Variants in ERN2 observed in about 807,000 individuals in gnomAD.
The protein encoded by ERN2 is endoplasmic reticulum to nucleus signaling 2.
ERN2 carries 111 observed loss-of-function variants against 107.9 expected under a neutral mutation model. That is an observed-to-expected ratio of 1.03 (90% CI 0.88 to 1.20). The LOEUF (loss-of-function observed/expected upper bound fraction) is 1.20. Ranked by LOEUF, ERN2 falls within the 50% of genes most tolerant of loss-of-function variation. The pLI is 0.00. For synonymous variants in ERN2, 524 were observed against 501.7 expected (o/e 1.04, Z -0.59); for missense variants, 1,225 against 1,197.9 (o/e 1.02, Z -0.33).
rs779498304 is a variant in ERN2, at chr16:23,702,529, T to C, written c.942A>G (p.Gly314=). 6.2e-7 allele frequency: 1 copy of C among 1,613,896 alleles called. No individual in the cohort carries two copies. Among genetic ancestry groups the C allele is most frequent in the African/African-American group, 1.3e-5 (1 of 74,928 alleles). The part of the protein sequence containing the change: ...VHTGVALVPR[G]LTLAPADGPT... ...GGCCATCTGCGGGGGCCAGGGTCAG[T>C]CCACGAGGCTATGGCAGAAGATGGA... Residue 314 remains glycine, a synonymous_variant, in exon 10 of 22, where the codon GGA becomes GGG. Transcript: ENST00000256797.
intron 1 of ERN2, chr16:23,712,215 G>A (rs981752021): frequency 1.4e-5 from 3 of 207,590 alleles, no homozygotes; most frequent in Non-Finnish European, 3.2e-5. Flanking sequence ...CATGGCAGGA[G>A]GGAGAACGGT....
chr16:23,704,581 C>T (rs1960219737), intron 8 of ERN2, among the ~76,000 whole-genome samples: 1 of 152,128 alleles, frequency 6.6e-6, no homozygotes. Flanking sequence ...TTGTAAATTG[C>T]CGAGTCTTGG....
chr16:23,707,553 A>C (rs77654000), intron 4 of ERN2, among the ~76,000 whole-genome samples: 2 of 111,600 alleles, frequency 1.8e-5, no homozygotes, highest in Non-Finnish European at 3.7e-5. Flanking sequence ...GTCTCTACAG[A>C]AAAAAAAAAA....
At chr16:23,705,244 G>T in intron 7 of ERN2, 97 bp from the exon 8 acceptor site, 1 of 1,345,294 alleles carries the variant, frequency 7.4e-7, no homozygotes, top group Non-Finnish European at 1.0e-6. Flanking sequence ...GGTGTGTGGA[G>T]ATCACATGGA....
Position 23,696,069 on chromosome 16 carries a change from C to A in ERN2, c.1526-91G>T, listed in dbSNP as rs1035831250. On this transcript the variant is annotated intron_variant, in intron 13 of 21. Coordinates refer to ENST00000256797, the MANE Select transcript of ERN2 (RefSeq NM_033266.4). ...CAGACTCACCTTGACATTTTCTGGG[C>A]CTCCACCCTCCCATGCTCAGCCTGG... 5 of 893,462 alleles carry A rather than the reference C, an allele frequency of 5.6e-6. No homozygotes were observed. The Admixed American group carries it at 7.8e-5, about 14-fold the overall frequency. 55.3% of individuals were successfully genotyped at this position (893,462 alleles called of 1,614,324 possible).
chr16:23,695,874 G>T lies in ERN2; in HGVS notation c.1610+20C>A, dbSNP rs755438673. 2.2e-5 allele frequency: 35 copies of T among 1,604,280 alleles called. No individual in the cohort carries two copies. Among genetic ancestry groups the T allele is most frequent in the Non-Finnish European group, 2.9e-5 (34 of 1,171,560 alleles). On this transcript the variant is annotated intron_variant, in intron 14 of 21. Coordinates refer to ENST00000256797, the MANE Select transcript of ERN2 (RefSeq NM_033266.4). ...GCTGTGAGTGCCATGTCCCCAGCTTGGCTCCTGGCTGCCACTCACCGGAAA... is the reference window on the plus strand; with the variant it reads ...GCTGTGAGTGCCATGTCCCCAGCTTTGCTCCTGGCTGCCACTCACCGGAAA...
chr16:23,707,138 GCCA>G, intron 4 of ERN2, 59 bp from the exon 5 acceptor site: 1 of 1,172,310 alleles, frequency 8.5e-7, no homozygotes, highest in Non-Finnish European at 1.3e-6. Flanking sequence ...TGCTCACTGT[GCCA>G]GGTGAGCCCA....
At chr16:23,705,212 C>G in intron 7 of ERN2, 65 bp from the exon 8 acceptor site, 2 of 1,564,936 alleles carry the variant, frequency 1.3e-6, no homozygotes, top group Non-Finnish European at 1.7e-6. Flanking sequence ...AAGGGTGTGC[C>G]CTCTGGGTGA....
rs781351929 is a variant in ERN2 at position 23,702,281 on chromosome 16, G to T, written c.1082-8C>A. On this transcript the variant is annotated splice_region_variant and splice_polypyrimidine_tract_variant and intron_variant, in intron 10 of 21. Coordinates refer to ENST00000256797, the MANE Select transcript of ERN2 (RefSeq NM_033266.4). ...GGGGTAGCTCGTGGTGTCCTAAGGT[G>T]GGGGGCAAAAGTCATCAGGCTGAAG... is the stretch of plus-strand genomic sequence containing the variant. The T allele has an allele frequency of 1.9e-6, 3 of 1,613,776 alleles. No individual in the cohort carries two copies. Among genetic ancestry groups the T allele is most frequent in the Middle Eastern group, 1.6e-4 (1 of 6,078 alleles).
At chr16:23,697,728 G>C (rs1424414491) in intron 13 of ERN2, among the ~76,000 whole-genome samples, 4 of 152,126 alleles carry the variant, frequency 2.6e-5, no homozygotes, top group African/African-American at 9.7e-5. Context: ...AATTATAATG[G>C]AGAGGCAGCA....
chr16:23,702,345 G>A, intron 10 of ERN2, 45 bp downstream of exon 10: 1 of 1,611,048 alleles, frequency 6.2e-7, no homozygotes, highest in South Asian at 1.1e-5. Context: ...GGGCTCACAG[G>A]TTCTTTATCT....
intron 4 of ERN2, among the ~76,000 whole-genome samples, chr16:23,707,941 A>G (rs1165954070): frequency 6.6e-6 from 1 of 152,176 alleles, no homozygotes; most frequent in Non-Finnish European, 1.5e-5. Flanking sequence ...CTTTCTCCCC[A>G]AAGCTGGACT....
intron 1 of ERN2, chr16:23,712,125 G>A (rs1025889505): frequency 7.2e-6 from 3 of 418,406 alleles, no homozygotes; most frequent in African/African-American, 6.1e-5. Flanking sequence ...TTGGGGCTGG[G>A]CCACTGGTGT....
chr16:23,691,310 A>G lies in ERN2; in HGVS notation c.2492T>C (p.Leu831Pro). 1 of 1,610,634 alleles carries G rather than the reference A, an allele frequency of 6.2e-7. No individual in the cohort carries two copies. Among genetic ancestry groups the G allele is most frequent in the South Asian group, 1.1e-5 (1 of 91,086 alleles). Residue 831 changes from leucine to proline, a missense_variant, in exon 20 of 22, where the codon CTG (leucine) becomes CCG (proline). Physicochemically the swap from Leu to Pro is moderately conservative, Grantham distance 98. Transcript: ENST00000256797. ...CTGAGTATGGCCTCTACCTGTCTGC[A>G]GCGGCATGGAGATGTGCTCGTGCCA... ...DNWHEHISMP[L>P]QTDLRKFRSY...
intron 11 of ERN2, among the ~76,000 whole-genome samples, chr16:23,701,931 G>C (rs1960084041): frequency 6.6e-6 from 1 of 151,820 alleles, no homozygotes; most frequent in Admixed American, 6.6e-5. Context: ...TGAATCACCT[G>C]CCCAGCCACT....
At position 23,695,324 on chromosome 16, in the gene ERN2, C is replaced by T. The variant is rs375050599; in HGVS notation, c.1676G>A (p.Arg559Gln). 1.4e-5 allele frequency: 23 copies of T among 1,613,236 alleles called. No individual in the cohort carries two copies. The highest frequency in any genetic ancestry group is 3.3e-5 in the Admixed American group (2 of 59,900). The change falls in exon 15 of 22, where the codon CGG becomes CAG. Residue 559 changes from arginine (R) to glutamine (Q), a missense_variant. Transcript: ENST00000256797. ...CTCCTGCAGCAGTTGAACTTCCCGC[C>T]GAACCAGGCCAAAGCACTCGCGGAG... ...RLLRECFGLVRREVQLLQESD... is the reference protein window; with the variant it reads ...RLLRECFGLVQREVQLLQESD...
chr16:23,691,867 TC>T (rs1479373897), intron 19 of ERN2, 95 bp downstream of exon 19: 1 of 1,486,790 alleles, frequency 6.7e-7, no homozygotes, highest in East Asian at 2.3e-5. Context: ...AGGTAGCTCT[TC>T]CTGTTTTCCC....
chr16:23,709,195 C>T (rs998885030), intron 4 of ERN2: 1 of 455,516 alleles, frequency 2.2e-6, no homozygotes, highest in Non-Finnish European at 4.4e-6. Flanking sequence ...ACTCAGGATA[C>T]TGAGGTGCGA....
chr16:23,690,622 T>G lies in ERN2; in HGVS notation c.*209A>C. The G allele has an allele frequency of 1.7e-6, 1 of 585,632 alleles. No homozygotes were observed. The highest frequency in any genetic ancestry group is 3.0e-6 in the Non-Finnish European group (1 of 328,566). 36.3% of individuals were successfully genotyped at this position (585,632 alleles called of 1,614,324 possible). ...GGCGTGCGCCACCATGCCTGGCTAA[T>G]TTTACAAATTTTTTGTAGAAATGGG... On this transcript the variant is annotated 3_prime_UTR_variant, in exon 22 of 22. Transcript: ENST00000256797.
Sources: gnomAD v4.1 joint callset for allele counts (sites outside exome capture counted in the v4.1 genomes callset) on GRCh38, gnomAD v4.1.1 for gene constraint, MANE v1.5 for transcripts, NCBI Gene and HGNC (gene_info 2026-07-23, HGNC 2026-07-21) for gene names.